Variants in GNAL observed in about 807,000 individuals in gnomAD.
GNAL encodes guanine nucleotide-binding protein G(olf) subunit alpha.
In GNAL, 18 loss-of-function variants were observed where a neutral mutation model predicts 55.1. The observed-to-expected ratio is 0.33, with a 90% CI of 0.23 to 0.48. GNAL has a LOEUF of 0.48. Among genes scored for constraint, GNAL ranks in the 20% least tolerant of loss-of-function variants. The pLI is 0.99. For synonymous variants in GNAL, 253 were observed against 237.0 expected (o/e 1.07, Z -0.62); for missense variants, 412 against 614.1 (o/e 0.67, Z 3.48).
At chr18:11,816,621 C>T (rs1249930580) in intron 4 of GNAL, among the ~76,000 whole-genome samples, 1 of 151,956 alleles carries the variant, frequency 6.6e-6, no homozygotes, top group Non-Finnish European at 1.5e-5. Context: ...AAAGGCCAGC[C>T]TGGCCAACAC....
chr18:11,821,935 C>T (rs2035104514), intron 4 of GNAL, among the ~76,000 whole-genome samples: 2 of 152,266 alleles, frequency 1.3e-5, no homozygotes, highest in Admixed American at 1.3e-4. Flanking sequence ...GGCCCGGTGG[C>T]CAGAACGCGC....
intron 4 of GNAL, among the ~76,000 whole-genome samples, chr18:11,786,440 T>C (rs2034061671): frequency 1.0e-5 from 1 of 98,844 alleles, no homozygotes; most frequent in African/African-American, 4.3e-5. Flanking sequence ...CGTTTTCTTT[T>C]TTTTTTTTTT....
intron 1 of GNAL, among the ~76,000 whole-genome samples, chr18:11,727,045 G>A (rs904491409): frequency 3.3e-5 from 5 of 151,950 alleles, no homozygotes; most frequent in South Asian, 2.1e-4. Flanking sequence ...CTCTGTGTGC[G>A]TCCTCCACAC....
chr18:11,822,796 A>G (rs1191381118), intron 4 of GNAL, among the ~76,000 whole-genome samples: 1 of 130,622 alleles, frequency 7.7e-6, no homozygotes, highest in Non-Finnish European at 1.6e-5. Flanking sequence ...GGCCTGGAGC[A>G]ATATTGTTTT....
intron 4 of GNAL, among the ~76,000 whole-genome samples, chr18:11,762,944 G>A (rs1390104722): frequency 3.3e-5 from 5 of 152,100 alleles, no homozygotes; most frequent in Non-Finnish European, 7.4e-5. Flanking sequence ...CTGAGAATAA[G>A]TATTGTATTA....
intron 4 of GNAL, among the ~76,000 whole-genome samples, chr18:11,803,649 G>C (rs1207584154): frequency 1.3e-5 from 2 of 150,534 alleles, no homozygotes; most frequent in Non-Finnish European, 2.9e-5. Flanking sequence ...GAGATACTGT[G>C]TAGTGGTGAA....
intron 5 of GNAL, among the ~76,000 whole-genome samples, chr18:11,832,231 A>T (rs528916348): frequency 1.4e-3 from 218 of 152,364 alleles, no homozygotes; most frequent in African/African-American, 4.9e-3. Flanking sequence ...CACAGCTCAC[A>T]GAGTGTAGGT....
At chr18:11,766,250 G>C (rs914422895) in intron 4 of GNAL, among the ~76,000 whole-genome samples, 1 of 152,172 alleles carries the variant, frequency 6.6e-6, no homozygotes, top group Admixed American at 6.5e-5. Flanking sequence ...ATCCATGAAG[G>C]TGTGGGGGTT....
intron 5 of GNAL, among the ~76,000 whole-genome samples, chr18:11,854,735 T>C (rs1490515215): frequency 6.6e-6 from 1 of 151,836 alleles, no homozygotes; most frequent in Non-Finnish European, 1.5e-5. Flanking sequence ...GAGCCAAGAT[T>C]GCGCCATTGC....
rs889769791 is a variant in GNAL, at chr18:11,751,554, C to T, written c.377-1299C>T. On this transcript the variant is annotated intron_variant, in intron 1 of 11. Transcript: ENST00000334049. This position sits in a 1 kb window ranked among gnomAD's most constrained non-coding sequence, Gnocchi z 4.5. ...CCTCCCTGCTAGAATATGCATGATC[C>T]TCCGCGAGTCTTCGCCCGCCAGGAG... 1.0e-6 allele frequency: 1 copy of T among 985,438 alleles called. No homozygotes were observed. Among genetic ancestry groups the T allele is most frequent in the African/African-American group, 1.7e-5 (1 of 57,262 alleles). 61.0% of individuals were successfully genotyped at this position (985,438 alleles called of 1,614,324 possible).
intron 4 of GNAL, among the ~76,000 whole-genome samples, chr18:11,799,057 G>T (rs1015911316): frequency 6.6e-6 from 1 of 151,644 alleles, no homozygotes; most frequent in Non-Finnish European, 1.5e-5. Context: ...AGGTTGCAAT[G>T]AGTCGAGATC....
At chr18:11,870,585 C>G (rs1302278645) in intron 9 of GNAL, among the ~76,000 whole-genome samples, 1 of 152,062 alleles carries the variant, frequency 6.6e-6, no homozygotes, top group Non-Finnish European at 1.5e-5. Flanking sequence ...AGGACATCCA[C>G]TAATAACTAG....
At chr18:11,861,282 GT>G (rs1194665751) in intron 5 of GNAL, among the ~76,000 whole-genome samples, 3 of 151,710 alleles carry the variant, frequency 2.0e-5, no homozygotes, top group Non-Finnish European at 2.9e-5. Flanking sequence ...TCCTTCTAGG[GT>G]CCCTGCTGCC....
Position 11,885,082 on chromosome 18 carries a change from T to G in GNAL, c.*3947T>G. ...TGTCCAGGTCGTCTCCATGGGCTTT[T>G]CTTTGCAGATACTTTTATGTGGAAC... On this transcript the variant is annotated 3_prime_UTR_variant, in exon 12 of 12. Transcript: ENST00000334049. 5 of 1,264,834 alleles carry G rather than the reference T, an allele frequency of 4.0e-6. No individual in the cohort carries two copies. Among genetic ancestry groups the G allele is most frequent in the Non-Finnish European group, 5.1e-6 (5 of 976,664 alleles). 78.4% of individuals were successfully genotyped at this position (1,264,834 alleles called of 1,614,324 possible).
intron 4 of GNAL, among the ~76,000 whole-genome samples, chr18:11,798,853 G>T (rs1203156060): frequency 1.3e-5 from 2 of 152,086 alleles, no homozygotes; most frequent in African/African-American, 4.8e-5. Context: ...CACGGTGGGT[G>T]GCTCATGCCT....
At chr18:11,849,804 C>T (rs188236737) in intron 5 of GNAL, among the ~76,000 whole-genome samples, 4 of 152,354 alleles carry the variant, frequency 2.6e-5, no homozygotes, top group East Asian at 3.9e-4. Context: ...AGGGTAACAT[C>T]CTATCCCCTC....
At chr18:11,731,250 C>A (rs567469536) in intron 1 of GNAL, among the ~76,000 whole-genome samples, 30 of 152,188 alleles carry the variant, frequency 2.0e-4, no homozygotes, top group Non-Finnish European at 3.2e-4. Context: ...TGGGTTCAAG[C>A]GATTATCGTG....
At chr18:11,821,059 T>C (rs752232958) in intron 4 of GNAL, among the ~76,000 whole-genome samples, 1 of 152,230 alleles carries the variant, frequency 6.6e-6, no homozygotes, top group Admixed American at 6.5e-5. Flanking sequence ...AACAGGACAT[T>C]AAGCCTTATC....
rs185527083 is a variant in GNAL at position 11,734,661 on chromosome 18, G to A, written c.377-18192G>A. 4.6e-5 allele frequency among the ~76,000 whole-genome samples: 7 copies of A among 151,312 alleles called. No individual in the cohort carries two copies. The South Asian group carries it at 6.3e-4, about 14-fold the overall frequency. On this transcript the variant is annotated intron_variant, in intron 1 of 11. Coordinates refer to ENST00000334049, the MANE Select transcript of GNAL (RefSeq NM_182978.4). ...AAGATCTCATGGCATCGTTCAACAG[G>A]TGAGGTTTTAGGTTGCAAAGGGAAT...
Sources: allele counts gnomAD v4.1 joint callset (sites outside exome capture counted in the v4.1 genomes callset), GRCh38; gene constraint gnomAD v4.1.1; non-coding constraint Gnocchi (gnomAD v3.1); transcripts MANE v1.5; gene names NCBI Gene and HGNC (gene_info 2026-07-23, HGNC 2026-07-21).